Variants in FGF12 observed in about 807,000 individuals in gnomAD.
The protein encoded by FGF12 is fibroblast growth factor 12B.
In FGF12, 14 loss-of-function variants were observed where a neutral mutation model predicts 23.6. The observed-to-expected ratio is 0.59, with a 90% confidence interval of 0.39 to 0.93. The LOEUF is 0.93. FGF12 is among the 40% of genes least tolerant of loss of function. The pLI is 0.00. For missense variants in FGF12, 175 were observed against 217.8 expected (o/e 0.80, Z 1.24); for synonymous variants, 62 against 77.3 (o/e 0.80, Z 1.04).
At chr3:192,626,471 G>A (rs1715172296) in intron 2 of FGF12, among the ~76,000 whole-genome samples, 2 of 152,164 alleles carry the variant, frequency 1.3e-5, no homozygotes, top group African/African-American at 4.8e-5. Flanking sequence ...TTTCAGCTGG[G>A]TAGACATTTG....
intron 4 of FGF12, among the ~76,000 whole-genome samples, chr3:192,173,430 T>C (rs1412777727): frequency 6.6e-6 from 1 of 151,336 alleles, no homozygotes; most frequent in African/African-American, 2.4e-5. Context: ...TTCGAAGGCC[T>C]TGTCTCAATA....
intron 4 of FGF12, among the ~76,000 whole-genome samples, chr3:192,297,526 T>G (rs148587666): frequency 2.0e-4 from 31 of 152,330 alleles, no homozygotes; most frequent in Middle Eastern, 3.4e-3. Context: ...CAATGCAGGC[T>G]TTAGCAAATA....
In FGF12 at chr3:192,360,436, C is replaced by T; in HGVS notation, c.116G>A (p.Ser39Asn). The change falls in exon 3 of 6, where the codon AGC (serine) becomes AAC (asparagine). Residue 39 changes from serine to asparagine, a missense_variant. By Grantham distance (46) the Ser-to-Asn change is conservative (BLOSUM62 1). Transcript: ENST00000445105. This position sits in a 1 kb window ranked among gnomAD's most constrained non-coding sequence, Gnocchi z 4.3. ...AAGCTAATGTTTCTTACTGTAGTCG[C>T]TGTTTTCGTCCTTGGTCCCATCAAT... is the stretch of plus-strand genomic sequence containing the variant. The part of the protein sequence containing the change: ...GTIDGTKDEN[S>N]DYTLFNLIPV... The T allele has an allele frequency of 6.2e-7, 1 of 1,607,022 alleles. No homozygotes were observed. Among genetic ancestry groups the T allele is most frequent in the African/African-American group, 1.3e-5 (1 of 74,898 alleles).
chr3:192,622,303 C>T (rs1715004394), intron 2 of FGF12, among the ~76,000 whole-genome samples: 2 of 152,130 alleles, frequency 1.3e-5, no homozygotes, highest in African/African-American at 4.8e-5. Context: ...TGGAGCCATT[C>T]TAGAGTTATC....
intron 2 of FGF12, among the ~76,000 whole-genome samples, chr3:192,660,261 C>T (rs1212377680): frequency 6.7e-6 from 1 of 148,914 alleles, no homozygotes; most frequent in Admixed American, 6.8e-5. Context: ...ATCGCAAGGA[C>T]AAAAAACCAA....
At chr3:192,167,731 G>GT (rs1461525196) in intron 5 of FGF12, among the ~76,000 whole-genome samples, 1 of 25,044 alleles carries the variant, frequency 4.0e-5, no homozygotes, top group Non-Finnish European at 6.2e-5. Flanking sequence ...TAGGTTATAG[G>GT]TATATATATA....
intron 2 of FGF12, among the ~76,000 whole-genome samples, chr3:192,686,504 T>G (rs995804213): frequency 1.3e-5 from 2 of 152,318 alleles, no homozygotes; most frequent in Admixed American, 6.5e-5. Context: ...TTGTTCTGAA[T>G]GTAGTGCCAT....
intron 4 of FGF12, among the ~76,000 whole-genome samples, chr3:192,286,218 C>T (rs1277590222): frequency 6.6e-6 from 1 of 151,954 alleles, no homozygotes; most frequent in African/African-American, 2.4e-5. Context: ...GTTAAGTTTT[C>T]CATTACATGT....
rs114249821 is a variant in FGF12, at chr3:192,459,485, G to A, written c.14-98947C>T. Among the ~76,000 whole-genome samples the A allele has an allele frequency of 2.5e-3, 381 of 152,326 alleles. 1 individual carries two copies. Among genetic ancestry groups the A allele is most frequent in the Admixed American group, 9.0e-3 (138 of 15,304 alleles). The stretch of plus-strand genomic sequence containing the variant: ...AAAATGAAAGGATTTGGAAAATGCT[G>A]TGCAGTAACAACATTACAAAACTGT... On this transcript the variant is annotated intron_variant, in intron 2 of 5. Transcript: ENST00000445105.
intron 2 of FGF12, among the ~76,000 whole-genome samples, chr3:192,709,684 G>A (rs13060241): frequency 0.33 from 50,719 of 152,086 alleles, 10,009 homozygotes; most frequent in South Asian, 0.56. Context: ...AAGTTTTCCA[G>A]TTATAAATTG....
At chr3:192,675,250 T>C (rs1159251365) in intron 2 of FGF12, among the ~76,000 whole-genome samples, 1 of 151,634 alleles carries the variant, frequency 6.6e-6, no homozygotes, top group Non-Finnish European at 1.5e-5. Flanking sequence ...TGACAGCAAT[T>C]ACGTGAAAGA....
At chr3:192,572,327 T>C (rs1452617037) in intron 2 of FGF12, among the ~76,000 whole-genome samples, 2 of 152,200 alleles carry the variant, frequency 1.3e-5, no homozygotes, top group Non-Finnish European at 2.9e-5. Context: ...TTGGGCCCAT[T>C]TGAAGAACTC....
chr3:192,162,430 AAG>A (rs1266574610), intron 5 of FGF12, among the ~76,000 whole-genome samples: 1 of 152,122 alleles, frequency 6.6e-6, no homozygotes, highest in Non-Finnish European at 1.5e-5. Flanking sequence ...ATGAGGGACA[AAG>A]AGAGAGAAAG....
intron 2 of FGF12, among the ~76,000 whole-genome samples, chr3:192,541,057 C>G (rs898546304): frequency 2.6e-5 from 4 of 151,852 alleles, no homozygotes; most frequent in Non-Finnish European, 5.9e-5. Flanking sequence ...ATCATTGGGT[C>G]TTGTTTTTTT....
intron 4 of FGF12, among the ~76,000 whole-genome samples, chr3:192,193,221 G>C (rs1409449864): frequency 7.2e-5 from 11 of 152,110 alleles, no homozygotes; most frequent in Admixed American, 7.2e-4. Context: ...CCTTGCTCTA[G>C]ATCTGTTCTG....
At chr3:192,435,937 T>G (rs1722010769) in intron 2 of FGF12, among the ~76,000 whole-genome samples, 1 of 152,208 alleles carries the variant, frequency 6.6e-6, no homozygotes, top group African/African-American at 2.4e-5. Flanking sequence ...AAAAGAATAT[T>G]TATTTTGAAG....
chr3:192,198,172 AT>A (rs1212885693), intron 4 of FGF12, among the ~76,000 whole-genome samples: 6 of 152,180 alleles, frequency 3.9e-5, no homozygotes, highest in Non-Finnish European at 8.8e-5. Flanking sequence ...TTGTATTCTG[AT>A]AAAAAGATAT....
chr3:192,478,757 TC>T (rs1308446579), intron 2 of FGF12, among the ~76,000 whole-genome samples: 1 of 152,206 alleles, frequency 6.6e-6, no homozygotes, highest in Non-Finnish European at 1.5e-5. Context: ...TTAAAAACTA[TC>T]ATAGTATTTA....
chr3:192,187,643 T>C (rs1246280460), intron 4 of FGF12, among the ~76,000 whole-genome samples: 2 of 152,206 alleles, frequency 1.3e-5, no homozygotes, highest in Admixed American at 6.5e-5. Context: ...TGCTTCCTTC[T>C]TGAATAAGAA....
Sources: gnomAD v4.1 joint callset for allele counts (sites outside exome capture counted in the v4.1 genomes callset) on GRCh38, gnomAD v4.1.1 for gene constraint, Gnocchi (gnomAD v3.1) non-coding constraint, MANE v1.5 for transcripts, NCBI Gene and HGNC (gene_info 2026-07-23, HGNC 2026-07-21) for gene names.